STMN3: variants seen among roughly 807,000 people sequenced by gnomAD.
STMN3 encodes the protein stathmin-3.
STMN3 carries 24 observed loss-of-function variants against 23.2 expected under a neutral mutation model. That is an observed-to-expected ratio of 1.03 (90% confidence interval 0.75 to 1.45). The LOEUF (loss-of-function observed/expected upper bound fraction) is 1.45, where lower values mean the gene tolerates loss of function less well. Among genes scored for constraint, STMN3 ranks in the 40% most tolerant of loss-of-function variants. STMN3 has a pLI of 0.00. For synonymous variants in STMN3, 117 were observed against 103.4 expected (o/e 1.13, Z -0.80); for missense variants, 235 against 237.6 (o/e 0.99, Z 0.07).
At chr20:63,651,474 C>G (rs549680556) in intron 1 of STMN3, among the ~76,000 whole-genome samples, 1 of 152,236 alleles carries the variant, frequency 6.6e-6, no homozygotes, top group East Asian at 1.9e-4. Flanking sequence ...CTGCCGGCTC[C>G]CCCCGGGGGC....
chr20:63,641,142 G>A lies in STMN3; in HGVS notation c.*196C>T. ...GAGGGACCGCGTCTCACGCCCGGCG[G>A]CTCCTGCAGGGGAAGCCGTGGTCAG... On this transcript the variant is annotated 3_prime_UTR_variant, in exon 5 of 5. Transcript: ENST00000370053. 1 of 641,772 alleles carries A rather than the reference G, an allele frequency of 1.6e-6. No homozygotes were observed. The allele number at this position is 641,772 out of a possible 1,614,324, so 39.8% of individuals were successfully genotyped here. A position where few individuals can be genotyped will look rare whatever the true frequency, so the allele number is the denominator to read the frequency against.
In STMN3 at chr20:63,652,643, G is replaced by A; in HGVS notation, c.19+684C>T. 10 of 985,542 alleles carry A rather than the reference G, an allele frequency of 1.0e-5. No homozygotes were observed. The highest frequency in any genetic ancestry group is 1.2e-5 in the Non-Finnish European group (10 of 830,006). The allele number at this position is 985,542 out of a possible 1,614,324, so 61.0% of individuals were successfully genotyped here. On this transcript the variant is annotated intron_variant, in intron 1 of 4. Coordinates refer to ENST00000370053, the MANE Select transcript of STMN3 (RefSeq NM_015894.4). This position sits in a 1 kb window ranked among gnomAD's most constrained non-coding sequence, Gnocchi z 5.3. ...GGGGCGGAGCCCTCTGGTCTCCGGA[G>A]GGTTTGGGGATCGCAGTCGCCCCTC...
chr20:63,642,338 GGGCCC>G, intron 3 of STMN3, 39 bp from the exon 4 acceptor site: 2 of 1,370,314 alleles, frequency 1.5e-6, no homozygotes, highest in South Asian at 3.5e-5. Flanking sequence ...CGGCAACCCC[GGGCCC>G]TGCCCGGCCG....
At position 63,652,638 on chromosome 20, in the gene STMN3, C is replaced by G; in HGVS notation, c.19+689G>C. 1 of 985,526 alleles carries G rather than the reference C, an allele frequency of 1.0e-6. No homozygotes were observed. The highest frequency in any genetic ancestry group is 1.2e-6 in the Non-Finnish European group (1 of 830,016). The allele number at this position is 985,526 out of a possible 1,614,324, so 61.0% of individuals were successfully genotyped here. ...CGGGAGGGGCGGAGCCCTCTGGTCT[C>G]CGGAGGGTTTGGGGATCGCAGTCGC... is the stretch of plus-strand genomic sequence containing the variant. On this transcript the variant is annotated intron_variant, in intron 1 of 4. Transcript: ENST00000370053. This position sits in a 1 kb window ranked among gnomAD's most constrained non-coding sequence, Gnocchi z 5.3.
At chr20:63,649,631 C>T (rs2089842070) in intron 1 of STMN3, among the ~76,000 whole-genome samples, 1 of 151,524 alleles carries the variant, frequency 6.6e-6, no homozygotes, top group Non-Finnish European at 1.5e-5. Context: ...CCCGGATTCA[C>T]GCCATTCTCC....
chr20:63,641,808 C>G (rs941564194), intron 4 of STMN3, among the ~76,000 whole-genome samples: 24 of 150,922 alleles, frequency 1.6e-4, no homozygotes, highest in Non-Finnish European at 5.9e-5. Flanking sequence ...TCGGAGTCCC[C>G]GGCCCCGCTC....
intron 1 of STMN3, among the ~76,000 whole-genome samples, chr20:63,651,866 T>G (rs745329694): frequency 3.3e-5 from 5 of 152,112 alleles, no homozygotes; most frequent in African/African-American, 4.8e-5. Context: ...GATGCCGAGA[T>G]GCCCTCGCCC....
intron 1 of STMN3, among the ~76,000 whole-genome samples, chr20:63,645,639 G>T (rs564076021): frequency 6.6e-6 from 1 of 152,140 alleles, no homozygotes. Flanking sequence ...ACGCTGGCCC[G>T]GTTTCTCACT....
intron 3 of STMN3, among the ~76,000 whole-genome samples, chr20:63,643,273 C>CT (rs967686083): frequency 6.6e-5 from 10 of 152,144 alleles, no homozygotes; most frequent in Admixed American, 1.3e-4. Flanking sequence ...CCATCCCTTT[C>CT]TTTTTTTGTT....
chr20:63,648,806 G>T (rs918900703), intron 1 of STMN3, among the ~76,000 whole-genome samples: 2 of 152,136 alleles, frequency 1.3e-5, no homozygotes, highest in Admixed American at 1.3e-4. Context: ...CAAAGCCCCT[G>T]TCTGCCCTAA....
rs1222218149 is a variant in STMN3, at chr20:63,643,782, G to T, written c.265C>A (p.Leu89Met). Reference sequence around the variant, plus strand: ...TTCCTCCGCTCCTCGGCTGCCTCCAGCCGCTTTTGCAGCTCCTCCAGGGAG... The same window carrying T: ...TTCCTCCGCTCCTCGGCTGCCTCCATCCGCTTTTGCAGCTCCTCCAGGGAG... ...DTSLEELQKR[L>M]EAAEERRKTQ... Residue 89 changes from leucine to methionine, a missense_variant, in exon 3 of 5, where the codon CTG becomes ATG. Coordinates refer to ENST00000370053, the MANE Select transcript of STMN3 (RefSeq NM_015894.4). The T allele has an allele frequency of 6.4e-7, 1 of 1,553,376 alleles. No individual in the cohort carries two copies. Among genetic ancestry groups the T allele is most frequent in the Admixed American group, 2.2e-5 (1 of 44,680 alleles).
chr20:63,641,736 C>T (rs2089764001), intron 4 of STMN3, among the ~76,000 whole-genome samples: 1 of 152,124 alleles, frequency 6.6e-6, no homozygotes, highest in Admixed American at 6.5e-5. Flanking sequence ...CTGCCTCGTG[C>T]GCTGCTGGGG....
chr20:63,648,137 A>G (rs190042692), intron 1 of STMN3, among the ~76,000 whole-genome samples: 24 of 151,356 alleles, frequency 1.6e-4, no homozygotes, highest in Admixed American at 1.3e-3. Flanking sequence ...TTAAAAATTA[A>G]TGTTAAACAA....
At chr20:63,647,948 G>GTGTGTGTGTGTA (rs1320052757) in intron 1 of STMN3, among the ~76,000 whole-genome samples, 2 of 63,828 alleles carry the variant, frequency 3.1e-5, no homozygotes, top group African/African-American at 5.9e-5. Flanking sequence ...GTGTGTGTGT[G>GTGTGTGTGTGTA]TATATATATA....
At chr20:63,647,936 A>ATCTGTGTG (rs1165301691) in intron 1 of STMN3, among the ~76,000 whole-genome samples, 1 of 80,836 alleles carries the variant, frequency 1.2e-5, no homozygotes, top group Non-Finnish European at 2.4e-5. Flanking sequence ...ATACGTATAT[A>ATCTGTGTG]TGTGTGTGTG....
At chr20:63,643,631 C>A in intron 3 of STMN3, 125 bp downstream of exon 3, 1 of 1,375,646 alleles carries the variant, frequency 7.3e-7, no homozygotes, top group Non-Finnish European at 9.3e-7. Flanking sequence ...GAGCCACAGC[C>A]CCTCCTGCTC....
intron 1 of STMN3, among the ~76,000 whole-genome samples, chr20:63,648,136 A>G (rs1011339422): frequency 1.3e-5 from 2 of 151,264 alleles, no homozygotes; most frequent in African/African-American, 4.9e-5. Context: ...ATTAAAAATT[A>G]ATGTTAAACA....
chr20:63,647,962 A>G (rs367598593), intron 1 of STMN3, among the ~76,000 whole-genome samples: 4,518 of 74,638 alleles, frequency 0.061, 635 homozygotes, highest in African/African-American at 0.19. Context: ...ATATATATGT[A>G]TATATATATA....
Position 63,653,418 on chromosome 20 carries a change from C to A in STMN3, c.-73G>T. The A allele has an allele frequency of 7.8e-7, 1 of 1,276,248 alleles. No homozygotes were observed. Among genetic ancestry groups the A allele is most frequent in the Non-Finnish European group, 1.0e-6 (1 of 975,360 alleles). 79.1% of individuals were successfully genotyped at this position (1,276,248 alleles called of 1,614,324 possible). On this transcript the variant is annotated 5_prime_UTR_variant, in exon 1 of 5. Coordinates refer to ENST00000370053, the MANE Select transcript of STMN3 (RefSeq NM_015894.4). ...CGGCCGGAGCTGCAGACGGCTGGTGCTGCAGTGCCGGGGAGGGGAGGGGAG... is the reference window on the plus strand; with the variant it reads ...CGGCCGGAGCTGCAGACGGCTGGTGATGCAGTGCCGGGGAGGGGAGGGGAG...
Sources: allele counts gnomAD v4.1 joint callset (sites outside exome capture counted in the v4.1 genomes callset), GRCh38; gene constraint gnomAD v4.1.1; non-coding constraint Gnocchi (gnomAD v3.1); transcripts MANE v1.5; gene names NCBI Gene and HGNC (gene_info 2026-07-23, HGNC 2026-07-21).